The following SNTA1 variants were observed in gnomAD, a reference collection of about 807,000 sequenced individuals.
The protein encoded by SNTA1 is syntrophin alpha 1.
A neutral mutation model predicts 47.1 loss-of-function variants in SNTA1; 31 were observed. The ratio of observed to expected loss-of-function variants is 0.66; its 90% CI spans 0.49 to 0.89. The LOEUF (loss-of-function observed/expected upper bound fraction) is 0.89. Among genes scored for constraint, SNTA1 ranks in the 40% least tolerant of loss-of-function variants. The probability of loss-of-function intolerance (pLI) is 0.00; values close to 1 mark genes in which losing one functional copy is unlikely to be tolerated. For missense variants in SNTA1, 575 were observed against 693.0 expected, an observed-to-expected ratio of 0.83 and a Z score of 1.91; for synonymous variants, 300 against 313.6, an observed-to-expected ratio of 0.96 and a Z score of 0.46.
At chr20:33,431,599 A>G (rs79830484) in intron 2 of SNTA1, among the ~76,000 whole-genome samples, 6 of 151,922 alleles carry the variant, frequency 3.9e-5, no homozygotes, top group African/African-American at 1.5e-4. Flanking sequence ...AATACAAAAA[A>G]TTAGCCAGGC....
At chr20:33,440,750 G>A (rs1990558706) in intron 1 of SNTA1, among the ~76,000 whole-genome samples, 1 of 152,094 alleles carries the variant, frequency 6.6e-6, no homozygotes, top group African/African-American at 2.4e-5. Flanking sequence ...CCCAGGAGGT[G>A]GAGATTGCAG....
chr20:33,414,101 G>A (rs1989812742), intron 3 of SNTA1, among the ~76,000 whole-genome samples: 2 of 151,460 alleles, frequency 1.3e-5, no homozygotes, highest in Non-Finnish European at 2.9e-5. Context: ...AGCTGGGTGT[G>A]GTGGCACATG....
rs116151218 is a variant in SNTA1, at chr20:33,408,385, C to G, written c.*122G>C. 9 of 757,238 alleles carry G rather than the reference C, an allele frequency of 1.2e-5. No homozygotes were observed. In the African/African-American group the frequency reaches 1.4e-4, roughly 12 times the overall value. 46.9% of individuals were successfully genotyped at this position (757,238 alleles called of 1,614,324 possible). The stretch of plus-strand genomic sequence containing the variant: ...CCAGTCTCCCTCAGGGTTGGGGTTT[C>G]GGAGGCCCTTGTTCCTCTCCTCTCC... On this transcript the variant is annotated 3_prime_UTR_variant, in exon 8 of 8. Coordinates refer to ENST00000217381, the MANE Select transcript of SNTA1 (RefSeq NM_003098.3).
At chr20:33,441,238 T>C (rs192942293) in intron 1 of SNTA1, among the ~76,000 whole-genome samples, 1 of 152,192 alleles carries the variant, frequency 6.6e-6, no homozygotes, top group Non-Finnish European at 1.5e-5. Flanking sequence ...GGAAGCCCCT[T>C]GTCCAAGGTC....
chr20:33,417,666 C>G (rs1989907815), intron 3 of SNTA1, 53 bp downstream of exon 3: 2 of 1,328,750 alleles, frequency 1.5e-6, no homozygotes, highest in South Asian at 1.2e-5. Context: ...TTGGTCCCAC[C>G]ACCTGACGCC....
At chr20:33,420,804 AC>A (rs1989998875) in intron 2 of SNTA1, among the ~76,000 whole-genome samples, 1 of 151,878 alleles carries the variant, frequency 6.6e-6, no homozygotes, top group Non-Finnish European at 1.5e-5. Flanking sequence ...ACATGGTGAA[AC>A]CCTGTCTTTA....
chr20:33,427,496 C>T (rs965564942), intron 2 of SNTA1, among the ~76,000 whole-genome samples: 3 of 152,082 alleles, frequency 2.0e-5, no homozygotes, highest in Non-Finnish European at 2.9e-5. Context: ...AAATAGTCCC[C>T]AGACTCTGGC....
chr20:33,430,642 T>C (rs1990282304), intron 2 of SNTA1, among the ~76,000 whole-genome samples: 1 of 151,908 alleles, frequency 6.6e-6, no homozygotes, highest in South Asian at 2.1e-4. Context: ...GTAGTGCAGA[T>C]AAGTATTTAA....
In SNTA1 at chr20:33,408,875, A is replaced by G; in HGVS notation, c.1251T>C (p.Asn417=). 2 of 1,613,998 alleles carry G rather than the reference A, an allele frequency of 1.2e-6. No homozygotes were observed. The highest frequency in any genetic ancestry group is 1.7e-6 in the Non-Finnish European group (2 of 1,179,994). Residue 417 remains asparagine (N), a synonymous_variant, in exon 7 of 8, where the codon AAT becomes AAC. Transcript: ENST00000217381. ...VQEVSTACTW[N]GRPCSLSVHI... ...GCACAGACAGGCTGCAGGGACGCCC[A>G]TTCCACGTGCAGGCTGCAGGGAGGG...
At chr20:33,435,207 G>A (rs1415836238) in intron 2 of SNTA1, among the ~76,000 whole-genome samples, 1 of 149,154 alleles carries the variant, frequency 6.7e-6, no homozygotes, top group East Asian at 2.0e-4. Context: ...GGCCAGGCTG[G>A]TCTCAAACTC....
chr20:33,410,371 G>A (rs557299339), intron 5 of SNTA1, 40 bp from the exon 6 acceptor site: 3 of 1,382,816 alleles, frequency 2.2e-6, no homozygotes, highest in Non-Finnish European at 2.0e-6. Flanking sequence ...GAGGCCTCAG[G>A]CCGGAGGCAA....
In SNTA1 at chr20:33,417,813, CA is replaced by C. The variant is rs1428272704; in HGVS notation, c.606del (p.Gly203AlafsTer15). ...TCGCTGAAGTTCCGGGGTGTGGGGC[CA>C]GGGGAGGAAGGCTGCCGCTGAAGGG... ...ASPLQRQPSS[P>X]GPTPRNFSEA... On this transcript the variant is annotated frameshift_variant, in exon 3 of 8. Coordinates refer to ENST00000217381, the MANE Select transcript of SNTA1 (RefSeq NM_003098.3). LOFTEE classifies it high-confidence loss of function. 1.9e-6 allele frequency: 3 copies of C among 1,613,892 alleles called. No individual in the cohort carries two copies. The highest frequency in any genetic ancestry group is 2.2e-5 in the East Asian group (1 of 44,886).
At chr20:33,424,998 C>T (rs2064819716) in intron 2 of SNTA1, among the ~76,000 whole-genome samples, 1 of 151,904 alleles carries the variant, frequency 6.6e-6, no homozygotes, top group Admixed American at 6.6e-5. Context: ...CGCCTGTAGT[C>T]CCAGCCACTC....
intron 2 of SNTA1, among the ~76,000 whole-genome samples, chr20:33,437,788 G>T (rs901935262): frequency 6.6e-6 from 1 of 152,234 alleles, no homozygotes; most frequent in Non-Finnish European, 1.5e-5. Context: ...AAAGGGCTGA[G>T]CAAAGCAGAA....
chr20:33,421,274 G>A (rs1289208298), intron 2 of SNTA1, among the ~76,000 whole-genome samples: 2 of 152,120 alleles, frequency 1.3e-5, no homozygotes, highest in African/African-American at 2.4e-5. Context: ...TGTAACCATG[G>A]ACAAGGTCAT....
chr20:33,419,835 G>GAA (rs1201828971), intron 2 of SNTA1, among the ~76,000 whole-genome samples: 2 of 151,948 alleles, frequency 1.3e-5, no homozygotes, highest in African/African-American at 4.8e-5. Flanking sequence ...GAGATGTGAG[G>GAA]AAAAAAACAC....
intron 6 of SNTA1, among the ~76,000 whole-genome samples, chr20:33,409,459 C>A (rs1482225384): frequency 6.6e-6 from 1 of 151,784 alleles, no homozygotes. Context: ...GGCCCAAACC[C>A]AACTTCCTTT....
Position 33,413,726 on chromosome 20 carries a change from G to A in SNTA1, c.702-944C>T, listed in dbSNP as rs573604648. ...GACGATGGCTTGAGCCCAGGAGTTC[G>A]AGACCAGCCTGGACAACAAAGTGAG... On this transcript the variant is annotated intron_variant, in intron 3 of 7. Transcript: ENST00000217381. Among the ~76,000 whole-genome samples, 19 of 150,030 alleles carry A rather than the reference G, an allele frequency of 1.3e-4. No homozygotes were observed. The East Asian group carries it at 1.4e-3, about 11-fold the overall frequency.
chr20:33,423,751 CTGTT>C (rs1259104697), intron 2 of SNTA1, among the ~76,000 whole-genome samples: 1 of 152,210 alleles, frequency 6.6e-6, no homozygotes, highest in Non-Finnish European at 1.5e-5. Context: ...GGGAACACAT[CTGTT>C]TGGGCAACAG....
Sources: allele counts gnomAD v4.1 joint callset (sites outside exome capture counted in the v4.1 genomes callset), GRCh38; gene constraint gnomAD v4.1.1; transcripts MANE v1.5; gene names NCBI Gene and HGNC (gene_info 2026-07-23, HGNC 2026-07-21).